DPYD: variants seen among roughly 807,000 people sequenced by gnomAD.
DPYD encodes the protein dihydropyrimidine dehydrogenase, also known as dihydropyrimidine dehydrogenase [NADP(+)].
In DPYD, 109 loss-of-function variants were observed where a neutral mutation model predicts 116.2. The ratio of observed to expected loss-of-function variants is 0.94; its 90% CI spans 0.80 to 1.10. The LOEUF (loss-of-function observed/expected upper bound fraction) is 1.10. Ranked by LOEUF, DPYD falls within the 50% of genes least tolerant of loss-of-function variation. The pLI, the probability that DPYD is intolerant of heterozygous loss-of-function variation, is 0.00. For missense variants in DPYD, 1,302 were observed against 1,254.5 expected, an observed-to-expected ratio of 1.04 and a Z score of -0.57; for synonymous variants, 440 against 432.0, an observed-to-expected ratio of 1.02 and a Z score of -0.23.
intron 1 of DPYD, among the ~76,000 whole-genome samples, chr1:97,899,139 T>C (rs1174818988): frequency 2.6e-5 from 4 of 151,696 alleles, no homozygotes; most frequent in African/African-American, 9.7e-5. Context: ...GGCCACGTTG[T>C]AACAGTTGGC....
At chr1:97,427,079 T>G (rs148428603) in intron 14 of DPYD, among the ~76,000 whole-genome samples, 1 of 152,100 alleles carries the variant, frequency 6.6e-6, no homozygotes, top group African/African-American at 2.4e-5. Flanking sequence ...ATTTCTTAGT[T>G]AATCTTCAAA....
At chr1:97,234,552 T>C (rs1263853039) in intron 19 of DPYD, among the ~76,000 whole-genome samples, 3 of 152,218 alleles carry the variant, frequency 2.0e-5, no homozygotes, top group Non-Finnish European at 4.4e-5. Context: ...TCCTCATGTA[T>C]TGTTTTTCCA....
intron 21 of DPYD, among the ~76,000 whole-genome samples, chr1:97,087,913 G>C (rs1272121025): frequency 2.6e-5 from 4 of 152,060 alleles, no homozygotes; most frequent in African/African-American, 9.7e-5. Context: ...AGTATTAATA[G>C]ACAAAATATG....
chr1:97,446,222 T>TA (rs896707543), intron 14 of DPYD, among the ~76,000 whole-genome samples: 13 of 152,008 alleles, frequency 8.6e-5, no homozygotes, highest in Non-Finnish European at 1.3e-4. Flanking sequence ...AGTGCCTTAA[T>TA]AAAAAAAATA....
chr1:97,901,609 AC>A (rs955859776), intron 1 of DPYD, among the ~76,000 whole-genome samples: 42 of 151,850 alleles, frequency 2.8e-4, no homozygotes, highest in Admixed American at 4.6e-4. Context: ...AATAGTATGC[AC>A]AGAAAATAAA....
intron 3 of DPYD, among the ~76,000 whole-genome samples, chr1:97,790,707 T>C (rs529162178): frequency 6.6e-6 from 1 of 152,218 alleles, no homozygotes; most frequent in African/African-American, 2.4e-5. Flanking sequence ...CACTCATCTT[T>C]AGAATTCTTC....
intron 20 of DPYD, among the ~76,000 whole-genome samples, chr1:97,130,935 A>C (rs10458511): frequency 0.45 from 50,012 of 111,706 alleles, 9,206 homozygotes; most frequent in Middle Eastern, 0.58. Flanking sequence ...CTCTCTCTCT[A>C]TCTATCTATC....
intron 18 of DPYD, among the ~76,000 whole-genome samples, chr1:97,296,653 G>A (rs1347313830): frequency 6.6e-6 from 1 of 151,874 alleles, no homozygotes; most frequent in Non-Finnish European, 1.5e-5. Flanking sequence ...ATCATTTAAA[G>A]ACTGAATCTA....
chr1:97,440,211 C>T (rs1026035162), intron 14 of DPYD, among the ~76,000 whole-genome samples: 3 of 150,934 alleles, frequency 2.0e-5, no homozygotes, highest in African/African-American at 7.3e-5. Context: ...TTGTGGTGAG[C>T]CAATATCACA....
chr1:97,770,805 A>C (rs1052708569), intron 3 of DPYD, among the ~76,000 whole-genome samples: 1 of 152,126 alleles, frequency 6.6e-6, no homozygotes, highest in Non-Finnish European at 1.5e-5. Flanking sequence ...TAGTTCCTTA[A>C]TATATCTTAT....
intron 6 of DPYD, among the ~76,000 whole-genome samples, chr1:97,696,414 T>A (rs956880978): frequency 3.3e-5 from 5 of 152,140 alleles, no homozygotes; most frequent in Non-Finnish European, 7.4e-5. Context: ...CAGATATGGA[T>A]TTTTAAGAAA....
At chr1:97,216,482 G>T (rs1427994395) in intron 19 of DPYD, among the ~76,000 whole-genome samples, 1 of 152,088 alleles carries the variant, frequency 6.6e-6, no homozygotes. Flanking sequence ...TTTATTACAA[G>T]ATAATTTTTA....
At chr1:97,116,722 T>C (rs924338544) in intron 20 of DPYD, among the ~76,000 whole-genome samples, 4 of 151,984 alleles carry the variant, frequency 2.6e-5, no homozygotes, top group African/African-American at 9.7e-5. Context: ...ACAAATAAAA[T>C]GACAAATCAT....
intron 16 of DPYD, among the ~76,000 whole-genome samples, chr1:97,368,484 G>A (rs1671154851): frequency 6.6e-6 from 1 of 152,184 alleles, no homozygotes; most frequent in Admixed American, 6.5e-5. Flanking sequence ...TATATGACTA[G>A]CATTGAGAAG....
chr1:97,704,683 T>C (rs960430084), intron 5 of DPYD, among the ~76,000 whole-genome samples: 4 of 152,108 alleles, frequency 2.6e-5, no homozygotes, highest in African/African-American at 4.8e-5. Context: ...TAGAATATAG[T>C]TCCCTATTGT....
rs1557954022 is a variant in DPYD, at chr1:97,778,193, AGAGAGAG to A, written c.234-37721_234-37715del. 4.6e-3 allele frequency among the ~76,000 whole-genome samples: 511 copies of A among 110,474 alleles called. 5 individuals are homozygous for A. Among genetic ancestry groups the A allele is most frequent in the African/African-American group, 0.016 (446 of 28,252 alleles). The allele number at this position is 110,474 out of a possible 152,430, so 72.5% of individuals were successfully genotyped here. A position where few individuals can be genotyped will look rare whatever the true frequency, so the allele number is the denominator to read the frequency against. The stretch of plus-strand genomic sequence containing the variant: ...AAAAAAGAAAGAAAGAAAGAAAGAG[AGAGAGAG>A]AGAGAGAGAGAGAGAGAGAGGGAGG... On this transcript the variant is annotated intron_variant, in intron 3 of 22. Coordinates refer to ENST00000370192, the MANE Select transcript of DPYD (RefSeq NM_000110.4).
At chr1:97,158,342 T>G (rs1655638700) in intron 20 of DPYD, among the ~76,000 whole-genome samples, 1 of 152,018 alleles carries the variant, frequency 6.6e-6, no homozygotes, top group Non-Finnish European at 1.5e-5. Flanking sequence ...GAAAAAGTTT[T>G]ATATCTAGGT....
chr1:97,639,380 C>A (rs116372849), intron 8 of DPYD, among the ~76,000 whole-genome samples: 1 of 151,658 alleles, frequency 6.6e-6, no homozygotes, highest in Non-Finnish European at 1.5e-5. Flanking sequence ...TGTTTTCTAC[C>A]GCTCCATGGC....
intron 16 of DPYD, among the ~76,000 whole-genome samples, chr1:97,309,252 G>C (rs1413100966): frequency 6.6e-6 from 1 of 151,378 alleles, no homozygotes; most frequent in East Asian, 1.9e-4. Context: ...GATCACAAAG[G>C]CTTTATTGGT....
Sources: allele counts gnomAD v4.1 joint callset (sites outside exome capture counted in the v4.1 genomes callset), GRCh38; gene constraint gnomAD v4.1.1; transcripts MANE v1.5; gene names NCBI Gene and HGNC (gene_info 2026-07-23, HGNC 2026-07-21).